RASA3: variants seen among roughly 807,000 people sequenced by gnomAD.
RASA3 encodes the protein RAS p21 protein activator 3.
A neutral mutation model predicts 110.0 loss-of-function variants in RASA3; 73 were observed. That is an observed-to-expected ratio of 0.66 (90% CI 0.55 to 0.81). The LOEUF (loss-of-function observed/expected upper bound fraction) is 0.81, where lower values mean the gene tolerates loss of function less well. Among genes scored for constraint, RASA3 ranks in the 30% least tolerant of loss-of-function variants. RASA3 has a pLI of 0.00. For synonymous variants in RASA3, 500 were observed against 451.4 expected, an observed-to-expected ratio of 1.11 and a Z score of -1.37; for missense variants, 976 against 1,113.2, an observed-to-expected ratio of 0.88 and a Z score of 1.75.
chr13:114,004,816 T>C (rs1442488309), intron 18 of RASA3, among the ~76,000 whole-genome samples: 2 of 152,156 alleles, frequency 1.3e-5, no homozygotes, highest in Non-Finnish European at 2.9e-5. Flanking sequence ...AAAAGACACC[T>C]GCATGCGTAC....
At chr13:114,063,138 T>C (rs1025014330) in intron 2 of RASA3, among the ~76,000 whole-genome samples, 6 of 152,192 alleles carry the variant, frequency 3.9e-5, no homozygotes, top group African/African-American at 9.6e-5. Flanking sequence ...CATTTCAAAA[T>C]GGGTGAATTG....
chr13:114,027,685 A>C (rs1017226909), intron 6 of RASA3, among the ~76,000 whole-genome samples, 162 bp downstream of exon 6: 1 of 152,240 alleles, frequency 6.6e-6, no homozygotes, highest in Non-Finnish European at 1.5e-5. Context: ...CTACAAAGCA[A>C]TTTTGGAGCA....
chr13:114,010,024 T>C (rs2053598051), intron 16 of RASA3, among the ~76,000 whole-genome samples: 1 of 152,190 alleles, frequency 6.6e-6, no homozygotes, highest in African/African-American at 2.4e-5. Flanking sequence ...TCCCTGGCTG[T>C]GAAATGAGGT....
Position 114,112,293 on chromosome 13 carries a change from C to T in RASA3, c.55+20142G>A, listed in dbSNP as rs11147313. On this transcript the variant is annotated intron_variant, in intron 1 of 23. Coordinates refer to ENST00000334062, the MANE Select transcript of RASA3 (RefSeq NM_007368.4). The surrounding 1 kb of genome is among the most constrained non-coding windows in gnomAD (Gnocchi z 4.8). ...AGCCCCGCATCTGCTCAGCAATCCC[C>T]GGAGTCTTCTAGGGGGCCTGGGGCA... Among the ~76,000 whole-genome samples the T allele has an allele frequency of 0.032, 4,881 of 152,336 alleles. 251 individuals are homozygous for T. The highest frequency in any genetic ancestry group is 0.11 in the Admixed American group (1,624 of 15,308).
intron 1 of RASA3, among the ~76,000 whole-genome samples, chr13:114,083,041 G>A (rs2079807634): frequency 6.6e-6 from 1 of 152,242 alleles, no homozygotes; most frequent in South Asian, 2.1e-4. Flanking sequence ...CGTCATCACT[G>A]AGTGTGATAT....
At position 114,065,597 on chromosome 13, in the gene RASA3, A is replaced by C. The variant is rs566378291; in HGVS notation, c.173+8123T>G. Among the ~76,000 whole-genome samples the C allele has an allele frequency of 8.5e-4, 129 of 152,308 alleles. No homozygotes were observed. Among genetic ancestry groups the C allele is most frequent in the African/African-American group, 2.8e-3 (117 of 41,572 alleles). Reference sequence around the variant, plus strand: ...GGACAGGAGGCAAAACACACCCATCAGAAGCACATGGCCAGTGCAGGGCCA... The same window carrying C: ...GGACAGGAGGCAAAACACACCCATCCGAAGCACATGGCCAGTGCAGGGCCA... On this transcript the variant is annotated intron_variant, in intron 2 of 23. Coordinates refer to ENST00000334062, the MANE Select transcript of RASA3 (RefSeq NM_007368.4). This position sits in a 1 kb window ranked among gnomAD's most constrained non-coding sequence, Gnocchi z 4.1.
rs551979256 is a variant in RASA3, at chr13:114,048,587, C to T, written c.277+3465G>A. On this transcript the variant is annotated intron_variant, in intron 3 of 23. Coordinates refer to ENST00000334062, the MANE Select transcript of RASA3 (RefSeq NM_007368.4). The surrounding 1 kb of genome is among the most constrained non-coding windows in gnomAD (Gnocchi z 4.3). ...CCCAGCTGCGGGGAGCCATAGTTTC[C>T]GGTCTGTGCTCTGTGAGGGCAGCGC... is the stretch of plus-strand genomic sequence containing the variant. Among the ~76,000 whole-genome samples the T allele has an allele frequency of 6.6e-6, 1 of 152,328 alleles. No individual in the cohort carries two copies. Among genetic ancestry groups the T allele is most frequent in the East Asian group, 1.9e-4 (1 of 5,176 alleles).
At chr13:114,037,906 G>A (rs368884344) in intron 4 of RASA3, among the ~76,000 whole-genome samples, 8 of 149,948 alleles carry the variant, frequency 5.3e-5, no homozygotes, top group Non-Finnish European at 1.2e-4. Flanking sequence ...GAGCACGGCC[G>A]TCCGTTCGGG....
At position 114,027,966 on chromosome 13, in the gene RASA3, A is replaced by G. The variant is rs751489054; in HGVS notation, c.450-39T>C. 2.6e-6 allele frequency: 4 copies of G among 1,558,762 alleles called. No individual in the cohort carries two copies. In the South Asian group the frequency reaches 4.5e-5, roughly 17 times the overall value. ...CAGAGGCGGCGTCAGGAGGGAGCGC[A>G]GACACCTGGGCGAATGGCGAGACAG... On this transcript the variant is annotated intron_variant, in intron 5 of 23. Transcript: ENST00000334062.
rs765869494 is a variant in RASA3, at chr13:114,029,833, C to T, written c.427G>A (p.Val143Ile). The T allele has an allele frequency of 6.9e-6, 11 of 1,589,596 alleles. No individual in the cohort carries two copies. Among genetic ancestry groups the T allele is most frequent in the African/African-American group, 4.0e-5 (3 of 74,262 alleles). The change falls in exon 5 of 24, where the codon GTC (valine) becomes ATC (isoleucine). Residue 143 changes from valine to isoleucine, a missense_variant. Val to Ile is a conservative substitution (Grantham distance 29). Around this residue, in one of 4 missense-constraint regions of RASA3, gnomAD observed 732 missense variants for 779.7 expected, o/e 0.94. Coordinates refer to ENST00000334062, the MANE Select transcript of RASA3 (RefSeq NM_007368.4). ...TACCGTGTGGCGAGCTTGTGGCAGA[C>T]GACCCCAGTGTCTGTGATGACCTCG... ...LSEVITDTGV[V>I]CHKLATRIVE...
At chr13:113,992,193 C>G (rs986198103) in intron 22 of RASA3, among the ~76,000 whole-genome samples, 2 of 152,182 alleles carry the variant, frequency 1.3e-5, no homozygotes, top group African/African-American at 4.8e-5. Context: ...CTCTGGAAAA[C>G]AAAGGAATGA....
At position 113,992,477 on chromosome 13, in the gene RASA3, A is replaced by T. The variant is rs1029431198; in HGVS notation, c.2245+8T>A. ...CGCTGCACAGATCTGTGTGCCGGGC[A>T]GACTCACCCTGCATCTTCTCCAGCT... On this transcript the variant is annotated splice_region_variant and intron_variant, in intron 22 of 23. Transcript: ENST00000334062. 4 of 1,608,174 alleles carry T rather than the reference A, an allele frequency of 2.5e-6. No homozygotes were observed. The highest frequency in any genetic ancestry group is 1.7e-5 in the Admixed American group (1 of 59,976).
Position 114,052,871 on chromosome 13 carries a change from A to G in RASA3, c.174-716T>C, listed in dbSNP as rs868339653. Among the ~76,000 whole-genome samples the G allele has an allele frequency of 1.5e-3, 128 of 84,300 alleles. 1 individual carries two copies. Among genetic ancestry groups the G allele is most frequent in the African/African-American group, 6.2e-3 (113 of 18,250 alleles). The allele number at this position is 84,300 out of a possible 152,430, so 55.3% of individuals were successfully genotyped here. ...TAGAGTCCTCGCTCCTGGGGGAGAG[A>G]CCCCCGCTGCTGACTGTGCTTAGAG... On this transcript the variant is annotated intron_variant, in intron 2 of 23. Transcript: ENST00000334062.
intron 3 of RASA3, among the ~76,000 whole-genome samples, chr13:114,051,379 G>A (rs563107705): frequency 1.3e-5 from 2 of 152,176 alleles, no homozygotes; most frequent in African/African-American, 2.4e-5. Context: ...AGCCTCCCAC[G>A]CCTGCTGCGT....
At chr13:113,980,872 G>A (rs558339516) in intron 23 of RASA3, among the ~76,000 whole-genome samples, 1 of 152,208 alleles carries the variant, frequency 6.6e-6, no homozygotes, top group South Asian at 2.1e-4. Flanking sequence ...GGAGAAGAAG[G>A]GTGGAGGAGG....
At chr13:114,063,631 T>C (rs894351690) in intron 2 of RASA3, among the ~76,000 whole-genome samples, 8 of 152,208 alleles carry the variant, frequency 5.3e-5, no homozygotes, top group Admixed American at 2.6e-4. Flanking sequence ...TGGACAGCAG[T>C]GCCAGGTCCC....
chr13:114,007,748 G>A (rs945645804), intron 17 of RASA3, 142 bp from the exon 18 acceptor site: 30 of 709,682 alleles, frequency 4.2e-5, no homozygotes, highest in Admixed American at 2.9e-4. Flanking sequence ...GTCCTTCCCC[G>A]AGGGCTGTGG....
At chr13:114,093,773 T>C (rs1329779801) in intron 1 of RASA3, among the ~76,000 whole-genome samples, 1 of 126,788 alleles carries the variant, frequency 7.9e-6, no homozygotes, top group Non-Finnish European at 1.9e-5. Context: ...TCTCTGTGTA[T>C]TTTCAAATAC....
chr13:114,021,866 C>G (rs2053934374), intron 8 of RASA3, among the ~76,000 whole-genome samples: 1 of 151,538 alleles, frequency 6.6e-6, no homozygotes, highest in African/African-American at 2.4e-5. Context: ...GCTGCGTGCA[C>G]CCAGGAGCTA....
Sources: gnomAD v4.1 joint callset for allele counts (sites outside exome capture counted in the v4.1 genomes callset) on GRCh38, gnomAD v4.1.1 for gene constraint, gnomAD v4.1.1 regional missense constraint, Gnocchi (gnomAD v3.1) non-coding constraint, MANE v1.5 for transcripts, NCBI Gene and HGNC (gene_info 2026-07-23, HGNC 2026-07-21) for gene names.